SCML4: variants seen among roughly 807,000 people sequenced by gnomAD.
SCML4 encodes the protein Scm polycomb group protein like 4.
SCML4 carries 34 observed loss-of-function variants against 41.1 expected under a neutral mutation model. That is an observed-to-expected ratio of 0.83 (90% CI 0.63 to 1.10). The LOEUF (loss-of-function observed/expected upper bound fraction) is 1.10, where lower values mean the gene tolerates loss of function less well. SCML4 is among the 50% of genes least tolerant of loss of function. The pLI, the probability that SCML4 is intolerant of heterozygous loss-of-function variation, is 0.00. For synonymous variants in SCML4, 214 were observed against 220.9 expected (o/e 0.97, Z 0.28); for missense variants, 522 against 534.1 (o/e 0.98, Z 0.22).
At chr6:107,789,093 C>T (rs872307) in intron 1 of SCML4, among the ~76,000 whole-genome samples, 139,790 of 152,256 alleles carry the variant, frequency 0.92, 65,314 homozygotes, top group Non-Finnish European at 1. Context: ...CCCTCAGTGG[C>T]CACTCTTACA....
At chr6:107,724,115 T>C (rs932078580) in intron 5 of SCML4, among the ~76,000 whole-genome samples, 2 of 152,186 alleles carry the variant, frequency 1.3e-5, no homozygotes, top group African/African-American at 4.8e-5. Context: ...AATACCCTTT[T>C]ATGATAAAAT....
Position 107,704,480 on chromosome 6 carries a change from A to G in SCML4, c.*720T>C, listed in dbSNP as rs1773419117. The G allele has an allele frequency of 6.6e-6, 1 of 152,226 alleles. No individual in the cohort carries two copies. Among genetic ancestry groups the G allele is most frequent in the African/African-American group, 2.4e-5 (1 of 41,396 alleles). The allele number at this position is 152,226 out of a possible 1,614,324, so 9.4% of individuals were successfully genotyped here. On this transcript the variant is annotated 3_prime_UTR_variant, in exon 8 of 8. Transcript: ENST00000369020. ...ATCTGTGGTGCTAACTGTGGAATAA[A>G]TCCCCTGTTTCTGTGTGGGCTAGAT...
intron 1 of SCML4, among the ~76,000 whole-genome samples, chr6:107,775,982 T>TA (rs1437278471): frequency 1.3e-5 from 2 of 152,120 alleles, no homozygotes; most frequent in Non-Finnish European, 2.9e-5. Context: ...ACCTATATTT[T>TA]AAAAAAATAT....
rs1176255874 is a variant in SCML4 at position 107,746,885 on chromosome 6, G to T, written c.291C>A (p.Cys97Ter). 1.2e-6 allele frequency: 2 copies of T among 1,611,258 alleles called. No individual in the cohort carries two copies. The highest frequency in any genetic ancestry group is 4.5e-5 in the East Asian group (2 of 44,838). The change falls in exon 4 of 8, where the codon TGC becomes TGA. Residue 97 changes from cysteine (C) to a stop codon, truncating the protein, a stop_gained. Transcript: ENST00000369020. LOFTEE classifies it high-confidence loss of function. Reference protein sequence around the residue: ...SLAAPQALTVCLYINKQANAG... With the variant: ...SLAAPQALTV ...CATTGGCCTGCTTGTTGATGTAGAG[G>T]CAGACTGCGGAGACAGAGGTCACAA...
At position 107,817,183 on chromosome 6, in the gene SCML4, C is replaced by A. The variant is rs552819587; in HGVS notation, c.-60+6943G>T. ...TAGCCTGTACCCAGAAATATGATTTCTAAACAATTATACTTCCAGTTAATC... is the reference window on the plus strand; with the variant it reads ...TAGCCTGTACCCAGAAATATGATTTATAAACAATTATACTTCCAGTTAATC... On this transcript the variant is annotated intron_variant, in intron 1 of 7. Coordinates refer to ENST00000369020, the MANE Select transcript of SCML4 (RefSeq NM_198081.5). Among the ~76,000 whole-genome samples the A allele has an allele frequency of 2.0e-5, 3 of 152,272 alleles. No individual in the cohort carries two copies. The South Asian group carries it at 6.2e-4, about 32-fold the overall frequency.
upstream of SCML4, among the ~76,000 whole-genome samples, chr6:107,825,030 T>C (rs1474544859): frequency 6.6e-6 from 1 of 152,192 alleles, no homozygotes; most frequent in East Asian, 1.9e-4. Flanking sequence ...TCTACCCACC[T>C]CAACGTGGTG....
chr6:107,728,469 C>A (rs1437203349), intron 5 of SCML4, among the ~76,000 whole-genome samples: 1 of 152,076 alleles, frequency 6.6e-6, no homozygotes. Flanking sequence ...ATTAGCCAAG[C>A]GTGGAGGCAG....
chr6:107,838,139 C>A, the SCML4 span, among the ~76,000 whole-genome samples: 2 of 152,084 alleles, frequency 1.3e-5, no homozygotes, highest in Non-Finnish European at 2.9e-5. Context: ...AACTCTTGAC[C>A]TCAGGTGATC....
intron 1 of SCML4, among the ~76,000 whole-genome samples, chr6:107,800,468 C>T (rs1783034342): frequency 6.6e-6 from 1 of 152,148 alleles, no homozygotes; most frequent in Admixed American, 6.5e-5. Context: ...TTGAATTCAA[C>T]TCCTGCAGGA....
intron 5 of SCML4, among the ~76,000 whole-genome samples, chr6:107,723,165 C>G (rs1274248383): frequency 6.6e-6 from 1 of 152,128 alleles, no homozygotes; most frequent in African/African-American, 2.4e-5. Flanking sequence ...TTGAGAAATA[C>G]AGATGCTTTT....
At position 107,749,806 on chromosome 6, in the gene SCML4, G is replaced by A; in HGVS notation, c.164C>T (p.Ser55Phe). Residue 55 changes from serine to phenylalanine, a missense_variant, in exon 3 of 8, where the codon TCT becomes TTT. Ser to Phe is a radical substitution (Grantham distance 155). Transcript: ENST00000369020. ...RGRKPGYKIKSRVLMTPLALS... is the reference protein window; with the variant it reads ...RGRKPGYKIKFRVLMTPLALS... ...GGCTAAGGGAGTCATGAGAACCCGAGACTTGATCTGGAAGAGAGAGCCCAT... is the reference window on the plus strand; with the variant it reads ...GGCTAAGGGAGTCATGAGAACCCGAAACTTGATCTGGAAGAGAGAGCCCAT... 8 of 1,614,068 alleles carry A rather than the reference G, an allele frequency of 5.0e-6. No homozygotes were observed. The highest frequency in any genetic ancestry group is 5.9e-6 in the Non-Finnish European group (7 of 1,179,954).
intron 6 of SCML4, among the ~76,000 whole-genome samples, chr6:107,715,432 C>T (rs1774676418): frequency 6.6e-6 from 1 of 151,030 alleles, no homozygotes; most frequent in Non-Finnish European, 1.5e-5. Context: ...CCACAGGAGG[C>T]ATTTGGGTTG....
chr6:107,831,634 G>T, the SCML4 span, among the ~76,000 whole-genome samples: 5 of 152,186 alleles, frequency 3.3e-5, no homozygotes, highest in African/African-American at 1.2e-4. Context: ...CTTTAAAAAT[G>T]AAGGGTGCAG....
chr6:107,706,126 C>T (rs1562159765), intron 7 of SCML4, among the ~76,000 whole-genome samples: 1 of 152,166 alleles, frequency 6.6e-6, no homozygotes, highest in African/African-American at 2.4e-5. Context: ...GGGTCACCAG[C>T]TCTCTCATTC....
At chr6:107,724,055 G>T (rs1286426779) in intron 5 of SCML4, among the ~76,000 whole-genome samples, 1 of 152,058 alleles carries the variant, frequency 6.6e-6, no homozygotes, top group Non-Finnish European at 1.5e-5. Context: ...TAATAAAACA[G>T]AGATCACACA....
chr6:107,826,260 A>G (rs886392112), upstream of SCML4, among the ~76,000 whole-genome samples: 1 of 150,334 alleles, frequency 6.7e-6, no homozygotes, highest in African/African-American at 2.5e-5. Flanking sequence ...AAAAGAAAAA[A>G]GAAAGAAAAA....
intron 1 of SCML4, among the ~76,000 whole-genome samples, chr6:107,778,111 G>A (rs1200443852): frequency 1.4e-5 from 2 of 146,616 alleles, no homozygotes; most frequent in African/African-American, 5.2e-5. Context: ...AGCTATTCGG[G>A]AGTTGAAGCA....
chr6:107,825,076 TA>T, upstream of SCML4, among the ~76,000 whole-genome samples: 1 of 152,356 alleles, frequency 6.6e-6, no homozygotes, highest in Non-Finnish European at 1.5e-5. Context: ...CAAGAGTGAC[TA>T]TTCATTCCCA....
the SCML4 span, among the ~76,000 whole-genome samples, chr6:107,831,667 C>T: frequency 1.3e-5 from 2 of 152,136 alleles, no homozygotes; most frequent in Admixed American, 6.6e-5. Context: ...GCCTGTGGTC[C>T]CAGCACTGTG....
Sources: gnomAD v4.1 joint callset for allele counts (sites outside exome capture counted in the v4.1 genomes callset) on GRCh38, gnomAD v4.1.1 for gene constraint, MANE v1.5 for transcripts, NCBI Gene and HGNC (gene_info 2026-07-23, HGNC 2026-07-21) for gene names.